The following JARID2 variants were observed in gnomAD, a reference collection of about 807,000 sequenced individuals.
The protein encoded by JARID2 is jumonji and AT-rich interaction domain containing 2.
JARID2 carries 21 observed loss-of-function variants against 125.6 expected under a neutral mutation model. The ratio of observed to expected loss-of-function variants is 0.17; its 90% CI spans 0.12 to 0.24. The LOEUF (loss-of-function observed/expected upper bound fraction) is 0.24, where lower values mean the gene tolerates loss of function less well. Among genes scored for constraint, JARID2 ranks in the 10% least tolerant of loss-of-function variants. JARID2 has a pLI of 1.00. For synonymous variants in JARID2, 736 were observed against 661.6 expected, an observed-to-expected ratio of 1.11 and a Z score of -1.73; for missense variants, 1,303 against 1,639.6, an observed-to-expected ratio of 0.79 and a Z score of 3.55.
At position 15,521,294 on chromosome 6, in the gene JARID2, C is replaced by A. The variant is rs116365185; in HGVS notation, c.*1043C>A. On this transcript the variant is annotated 3_prime_UTR_variant, in exon 18 of 18. Transcript: ENST00000341776. ...ATTTTTGAATGTGAAAATGCATTTG[C>A]GTTCATCTTGTCTATTTTTTCTCTT... 1 of 151,276 alleles carries A rather than the reference C, an allele frequency of 6.6e-6. No individual in the cohort carries two copies. Among genetic ancestry groups the A allele is most frequent in the African/African-American group, 2.4e-5 (1 of 41,054 alleles). The allele number at this position is 151,276 out of a possible 1,614,324, so 9.4% of individuals were successfully genotyped here.
At chr6:15,513,161 T>TGGG in intron 15 of JARID2, 78 bp from the exon 16 acceptor site, 16 of 1,506,884 alleles carry the variant, frequency 1.1e-5, no homozygotes, top group Non-Finnish European at 1.4e-5. Context: ...GAGGCCGGTG[T>TGGG]GGGGTGCGTG....
Position 15,512,427 on chromosome 6 carries a change from G to C in JARID2, c.3135+37G>C, listed in dbSNP as rs371758681. ...CGGCCTCCTCCCGCTTGCTGCCCCC[G>C]CATCCCTGTGAGTGCCGTGCGTGAG... On this transcript the variant is annotated intron_variant, in intron 14 of 17. Transcript: ENST00000341776. 65 of 1,599,716 alleles carry C rather than the reference G, an allele frequency of 4.1e-5. No homozygotes were observed. In the African/African-American group the frequency reaches 8.4e-4, roughly 21 times the overall value.
At chr6:15,404,950 C>G (rs1181545726) in intron 2 of JARID2, among the ~76,000 whole-genome samples, 1 of 152,146 alleles carries the variant, frequency 6.6e-6, no homozygotes, top group Non-Finnish European at 1.5e-5. Context: ...TCTAAAACAT[C>G]ATAAAATGAT....
chr6:15,481,435 GT>G (rs983822824), intron 5 of JARID2, among the ~76,000 whole-genome samples: 15 of 152,212 alleles, frequency 9.9e-5, no homozygotes, highest in Middle Eastern at 6.8e-3. Context: ...TGTTCACAGG[GT>G]TTAATCTTTC....
At chr6:15,336,096 AATG>A (rs1561799473) in intron 1 of JARID2, among the ~76,000 whole-genome samples, 2 of 148,704 alleles carry the variant, frequency 1.3e-5, no homozygotes. Flanking sequence ...TGAATGAATG[AATG>A]AATGAATGAA....
chr6:15,264,344 G>A (rs1168164786), intron 1 of JARID2, among the ~76,000 whole-genome samples: 1 of 151,982 alleles, frequency 6.6e-6, no homozygotes, highest in Non-Finnish European at 1.5e-5. Context: ...CTTTACTGAT[G>A]GTATTAATCA....
At chr6:15,331,056 A>G (rs1488064876) in intron 1 of JARID2, among the ~76,000 whole-genome samples, 2 of 152,164 alleles carry the variant, frequency 1.3e-5, no homozygotes, top group Admixed American at 6.5e-5. Context: ...TAAAGCAAAA[A>G]GGCTGGATGT....
chr6:15,314,522 T>C (rs979676450), intron 1 of JARID2, among the ~76,000 whole-genome samples: 1 of 152,242 alleles, frequency 6.6e-6, no homozygotes, highest in Non-Finnish European at 1.5e-5. Context: ...TTAGAGTTCT[T>C]ATAGGCAGGG....
At chr6:15,347,892 C>T (rs907290248) in intron 1 of JARID2, among the ~76,000 whole-genome samples, 2 of 152,078 alleles carry the variant, frequency 1.3e-5, no homozygotes, top group Admixed American at 1.3e-4. Flanking sequence ...GCTGGGATCA[C>T]AGGTGCATGC....
chr6:15,277,710 G>C (rs968302989), intron 1 of JARID2, among the ~76,000 whole-genome samples: 1 of 150,596 alleles, frequency 6.6e-6, no homozygotes, highest in Non-Finnish European at 1.5e-5. Context: ...CTGTTTAAAA[G>C]TAGTTATGAA....
chr6:15,493,918 CT>C (rs903054291), intron 6 of JARID2, among the ~76,000 whole-genome samples: 2 of 151,728 alleles, frequency 1.3e-5, no homozygotes, highest in African/African-American at 4.9e-5. Flanking sequence ...TTGCCAGGTG[CT>C]TTTTTTCCTC....
chr6:15,431,011 C>G (rs143504836), intron 3 of JARID2, among the ~76,000 whole-genome samples: 1 of 152,130 alleles, frequency 6.6e-6, no homozygotes, highest in Non-Finnish European at 1.5e-5. Flanking sequence ...CTATTGGTAC[C>G]GTGCAGGGCT....
intron 1 of JARID2, among the ~76,000 whole-genome samples, chr6:15,371,519 G>T (rs1764171757): frequency 1.3e-5 from 2 of 152,164 alleles, no homozygotes. Flanking sequence ...AACTCCTCCT[G>T]CAGTTAACAC....
At chr6:15,322,347 C>T (rs893531914) in intron 1 of JARID2, among the ~76,000 whole-genome samples, 3 of 152,182 alleles carry the variant, frequency 2.0e-5, no homozygotes, top group Admixed American at 6.5e-5. Context: ...GTAGTCCTAG[C>T]TACGCAAGCC....
intron 12 of JARID2, among the ~76,000 whole-genome samples, chr6:15,510,423 C>T (rs1307250670): frequency 6.6e-6 from 1 of 152,176 alleles, no homozygotes; most frequent in Non-Finnish European, 1.5e-5. Context: ...CTGGTGGGCT[C>T]CAAGGACATG....
intron 12 of JARID2, among the ~76,000 whole-genome samples, chr6:15,509,813 C>A (rs1254162712): frequency 1.3e-5 from 2 of 152,112 alleles, no homozygotes; most frequent in African/African-American, 4.8e-5. Context: ...AAATGTGATA[C>A]CCTGTGTGGG....
intron 1 of JARID2, among the ~76,000 whole-genome samples, chr6:15,267,865 GCATT>G (rs1175360523): frequency 6.6e-6 from 1 of 152,080 alleles, no homozygotes; most frequent in Non-Finnish European, 1.5e-5. Context: ...AGAAAAAACT[GCATT>G]CAGCGGAGGA....
chr6:15,336,093 AT>A (rs1322826895), intron 1 of JARID2, among the ~76,000 whole-genome samples: 3 of 128,734 alleles, frequency 2.3e-5, no homozygotes, highest in African/African-American at 8.2e-5. Flanking sequence ...GGGTGAATGA[AT>A]GAATGAATGA....
At chr6:15,248,371 C>A in intron 1 of JARID2, 1 of 105,406 alleles carries the variant, frequency 9.5e-6, no homozygotes. Flanking sequence ...GGCAGGAGGG[C>A]GGGTGGGGCG....
Sources: allele counts gnomAD v4.1 joint callset (sites outside exome capture counted in the v4.1 genomes callset), GRCh38; gene constraint gnomAD v4.1.1; transcripts MANE v1.5; gene names NCBI Gene and HGNC (gene_info 2026-07-23, HGNC 2026-07-21).